Variants in TMPRSS7 observed in about 807,000 individuals in gnomAD.
The protein encoded by TMPRSS7 is transmembrane protease serine 7.
TMPRSS7 carries 81 observed loss-of-function variants against 95.6 expected under a neutral mutation model. The ratio of observed to expected loss-of-function variants is 0.85; its 90% CI spans 0.71 to 1.02. TMPRSS7 has a LOEUF of 1.02. Ranked by LOEUF, TMPRSS7 falls within the 50% of genes least tolerant of loss-of-function variation. The pLI is 0.00. For missense variants in TMPRSS7, 945 were observed against 955.2 expected, an observed-to-expected ratio of 0.99 and a Z score of 0.14; for synonymous variants, 364 against 337.8, an observed-to-expected ratio of 1.08 and a Z score of -0.85.
At chr3:112,058,391 G>A (rs1208195496) in intron 10 of TMPRSS7, among the ~76,000 whole-genome samples, 1 of 152,190 alleles carries the variant, frequency 6.6e-6, no homozygotes, top group Non-Finnish European at 1.5e-5. Flanking sequence ...CTATCGTTTA[G>A]TAGCTACATT....
At chr3:112,057,392 AT>A (rs1318314388) in intron 10 of TMPRSS7, among the ~76,000 whole-genome samples, 1 of 152,204 alleles carries the variant, frequency 6.6e-6, no homozygotes, top group Non-Finnish European at 1.5e-5. Flanking sequence ...TCACAAGAGT[AT>A]TTGGCAGATG....
chr3:112,080,922 G>A (rs529442917), exon 18 of TMPRSS7: 77 of 1,612,702 alleles, frequency 4.8e-5, no homozygotes, highest in East Asian at 6.7e-5. Flanking sequence ...AGGGAGATTC[G>A]GGTGGACCTT....
At chr3:112,039,924 T>C (rs1249450057) in intron 2 of TMPRSS7, among the ~76,000 whole-genome samples, 4 of 152,158 alleles carry the variant, frequency 2.6e-5, no homozygotes, top group Non-Finnish European at 4.4e-5. Context: ...AATGTGCCTT[T>C]AACCTTTGGG....
exon 5 of TMPRSS7, chr3:112,045,775 G>A (rs1216282998): frequency 1.3e-6 from 2 of 1,551,046 alleles, no homozygotes; most frequent in South Asian, 2.4e-5. Flanking sequence ...CGGCCTCCTT[G>A]TCCACTTTTG....
At chr3:112,076,171 G>C (rs1258880442) in intron 15 of TMPRSS7, among the ~76,000 whole-genome samples, 1 of 152,156 alleles carries the variant, frequency 6.6e-6, no homozygotes, top group Non-Finnish European at 1.5e-5. Context: ...AAGCAAATTA[G>C]TGACCAAAAT....
chr3:112,052,003 CACAA>C (rs2073366613), intron 9 of TMPRSS7, among the ~76,000 whole-genome samples: 1 of 152,126 alleles, frequency 6.6e-6, no homozygotes, highest in African/African-American at 2.4e-5. Context: ...CGAAATCAGA[CACAA>C]ACACAGAGCA....
intron 10 of TMPRSS7, among the ~76,000 whole-genome samples, chr3:112,058,070 A>G (rs1230157966): frequency 1.3e-5 from 2 of 152,214 alleles, no homozygotes; most frequent in Non-Finnish European, 2.9e-5. Context: ...TCTTGACCAC[A>G]GAATATCTTC....
chr3:112,046,861 C>T, intron 5 of TMPRSS7, 113 bp from the exon 6 acceptor site: 1 of 672,764 alleles, frequency 1.5e-6, no homozygotes. Flanking sequence ...AAGTAAATCC[C>T]AGATGTGTTT....
chr3:112,056,958 C>A, intron 9 of TMPRSS7, 67 bp from the exon 10 acceptor site: 1 of 1,155,334 alleles, frequency 8.7e-7, no homozygotes, highest in Admixed American at 2.0e-5. Flanking sequence ...AACAACAAGC[C>A]AAGGGAATAA....
At chr3:112,041,304 C>A (rs1375176958) in intron 2 of TMPRSS7, among the ~76,000 whole-genome samples, 2 of 152,136 alleles carry the variant, frequency 1.3e-5, no homozygotes, top group African/African-American at 4.8e-5. Flanking sequence ...GCTAAAGTGA[C>A]CTTGAATGGA....
chr3:112,075,575 C>T (rs773188860), intron 15 of TMPRSS7, 83 bp downstream of exon 15: 24 of 1,194,562 alleles, frequency 2.0e-5, no homozygotes, highest in Non-Finnish European at 2.5e-5. Context: ...GGAAGCAGAT[C>T]CCTGTTGGGG....
chr3:112,077,691 C>T (rs568794256), intron 16 of TMPRSS7, among the ~76,000 whole-genome samples: 1 of 152,114 alleles, frequency 6.6e-6, no homozygotes, highest in Non-Finnish European at 1.5e-5. Context: ...ATTTGGTCCA[C>T]CCAGAGGAGA....
At chr3:112,043,069 G>A (rs562153947) in intron 3 of TMPRSS7, 5 of 456,000 alleles carry the variant, frequency 1.1e-5, no homozygotes, top group East Asian at 6.9e-5. Flanking sequence ...TACTGGGTAC[G>A]TCACTAAACC....
In TMPRSS7 at chr3:112,080,912, A is replaced by G. The variant is rs768103043; in HGVS notation, c.2362-2A>G. On this transcript the variant is annotated splice_acceptor_variant, in intron 17 of 17. Transcript: ENST00000452346. LOFTEE classifies it high-confidence loss of function. Reference sequence around the variant, plus strand: ...TTATACTTACATTTTTTGTGTGTGTAGGGAGATTCGGGTGGACCTTTATCT... The same window carrying G: ...TTATACTTACATTTTTTGTGTGTGTGGGGAGATTCGGGTGGACCTTTATCT... 4.3e-6 allele frequency: 7 copies of G among 1,611,636 alleles called. No homozygotes were observed. Among genetic ancestry groups the G allele is most frequent in the Non-Finnish European group, 5.9e-6 (7 of 1,179,036 alleles).
At chr3:112,040,522 C>A (rs2073194682) in intron 2 of TMPRSS7, among the ~76,000 whole-genome samples, 1 of 152,160 alleles carries the variant, frequency 6.6e-6, no homozygotes, top group South Asian at 2.1e-4. Flanking sequence ...AAGATAAGAT[C>A]TCTGTCCTTG....
intron 9 of TMPRSS7, among the ~76,000 whole-genome samples, chr3:112,054,653 A>C (rs936989039): frequency 2.7e-5 from 4 of 149,892 alleles, no homozygotes; most frequent in African/African-American, 9.7e-5. Context: ...CTTCTTGTAG[A>C]AGATTGCACT....
chr3:112,034,825 T>C, upstream of TMPRSS7: 1 of 702,744 alleles, frequency 1.4e-6, no homozygotes, highest in Non-Finnish European at 2.6e-6. Flanking sequence ...CCCTGGATGA[T>C]CACACACAAA....
exon 15 of TMPRSS7, chr3:112,075,443 A>G (rs1263681612): frequency 3.2e-6 from 5 of 1,541,644 alleles, no homozygotes; most frequent in South Asian, 1.2e-5. Context: ...TGCCTCAGTC[A>G]TCTCCAGGGA....
intron 13 of TMPRSS7, among the ~76,000 whole-genome samples, chr3:112,069,257 G>A (rs1295108016): frequency 1.3e-5 from 2 of 152,192 alleles, no homozygotes; most frequent in Admixed American, 6.5e-5. Context: ...TTGCATCAAT[G>A]TTCATCTGGG....
Sources: allele counts gnomAD v4.1 joint callset (sites outside exome capture counted in the v4.1 genomes callset), GRCh38; gene constraint gnomAD v4.1.1; transcripts MANE v1.5; gene names NCBI Gene and HGNC (gene_info 2026-07-23, HGNC 2026-07-21).